The following SPATA19 variants were observed in gnomAD, a reference collection of about 807,000 sequenced individuals.
SPATA19 encodes the protein spermatogenesis associated 19, also known as spermatogenesis-associated protein 19, mitochondrial.
In SPATA19, 19 loss-of-function variants were observed where a neutral mutation model predicts 25.0. The observed-to-expected ratio is 0.76, with a 90% CI of 0.53 to 1.11. The LOEUF is 1.11. Ranked by LOEUF, SPATA19 falls within the 50% of genes most tolerant of loss-of-function variation. SPATA19 has a pLI of 0.00. For synonymous variants in SPATA19, 64 were observed against 69.3 expected (o/e 0.92, Z 0.38); for missense variants, 222 against 211.4 (o/e 1.05, Z -0.31).
rs113588240 is a variant in SPATA19, at chr11:133,842,663, G to C, written c.360-101C>G. On this transcript the variant is annotated intron_variant, in intron 4 of 6. Coordinates refer to ENST00000299140, the MANE Select transcript of SPATA19 (RefSeq NM_174927.3). ...TGGGATCCTGCAAACAATGACTCTT[G>C]CCCTGACACCATGAACTTTTGAGCT... 1,730 of 927,030 alleles carry C rather than the reference G, an allele frequency of 1.9e-3. 19 individuals are homozygous for C. In the African/African-American group the frequency reaches 0.025, roughly 13 times the overall value. 57.4% of individuals were successfully genotyped at this position (927,030 alleles called of 1,614,324 possible). A position where few individuals can be genotyped will look rare whatever the true frequency, so the allele number is the denominator to read the frequency against.
At chr11:133,838,944 T>C (rs1230826656), downstream of SPATA19, among the ~76,000 whole-genome samples, 1 of 152,216 alleles carries the variant, frequency 6.6e-6, no homozygotes, top group African/African-American at 2.4e-5. Context: ...TCATCACCAC[T>C]GGCCATCGGA....
chr11:133,841,576 G>A (rs1938311050), intron 6 of SPATA19, among the ~76,000 whole-genome samples: 1 of 152,128 alleles, frequency 6.6e-6, no homozygotes, highest in South Asian at 2.1e-4. Context: ...CAAGGCAAGT[G>A]GCCATGGGAC....
downstream of SPATA19, among the ~76,000 whole-genome samples, chr11:133,837,238 C>T (rs1172537137): frequency 6.6e-6 from 1 of 152,184 alleles, no homozygotes; most frequent in Non-Finnish European, 1.5e-5. Flanking sequence ...GAAGGCAAAC[C>T]ACTGACCTGA....
At chr11:133,844,765 ACTC>A in intron 2 of SPATA19, 125 bp from the exon 3 acceptor site, 1 of 1,135,952 alleles carries the variant, frequency 8.8e-7, no homozygotes, top group Non-Finnish European at 1.2e-6. Flanking sequence ...ACACACATAC[ACTC>A]CTTACCTCAC....
chr11:133,841,061 T>C (rs1253748332), intron 6 of SPATA19, 138 bp from the exon 7 acceptor site: 3 of 152,144 alleles, frequency 2.0e-5, no homozygotes, highest in Non-Finnish European at 4.4e-5. Flanking sequence ...TCTCTAGTAA[T>C]ATGAGCAAAC....
At chr11:133,843,187 G>C (rs5019134) in intron 4 of SPATA19, among the ~76,000 whole-genome samples, 50,685 of 152,022 alleles carry the variant, frequency 0.33, 9,442 homozygotes, top group East Asian at 0.6. Context: ...TAGCCTGTCT[G>C]AAAAGCTTAA....
downstream of SPATA19, among the ~76,000 whole-genome samples, chr11:133,836,462 G>A (rs911582324): frequency 3.3e-5 from 5 of 152,174 alleles, no homozygotes; most frequent in Admixed American, 6.5e-5. Context: ...AACAACAACC[G>A]AATTGATCCT....
At chr11:133,845,316 G>A in intron 1 of SPATA19, 53 bp downstream of exon 1, 1 of 1,512,974 alleles carries the variant, frequency 6.6e-7, no homozygotes, top group Non-Finnish European at 9.2e-7. Flanking sequence ...GGTCCCACAG[G>A]GGGAGAAGAT....
downstream of SPATA19, among the ~76,000 whole-genome samples, chr11:133,840,039 C>CA (rs1200153169): frequency 1.3e-5 from 2 of 151,914 alleles, no homozygotes; most frequent in African/African-American, 2.4e-5. Context: ...AAATCAAAGA[C>CA]AAAATTTCTT....
At position 133,845,440 on chromosome 11, in the gene SPATA19, T is replaced by G. The variant is rs1234910857; in HGVS notation, c.7A>C (p.Ile3Leu). The G allele has an allele frequency of 6.2e-7, 1 of 1,614,080 alleles. No individual in the cohort carries two copies. Among genetic ancestry groups the G allele is most frequent in the South Asian group, 1.1e-5 (1 of 91,072 alleles). Residue 3 changes from isoleucine to leucine, a missense_variant, in exon 1 of 7, where the codon ATT becomes CTT. Ile to Leu is a conservative substitution (Grantham distance 5). Coordinates refer to ENST00000299140, the MANE Select transcript of SPATA19 (RefSeq NM_174927.3). The part of the protein sequence containing the change: MI[I>L]TTWIVYILAR... ...AGAATATACACAATCCATGTCGTAA[T>G]TATCATCTTTGAATGTATACCAGGC...
downstream of SPATA19, among the ~76,000 whole-genome samples, chr11:133,838,264 G>A (rs970271016): frequency 6.6e-6 from 1 of 152,152 alleles, no homozygotes; most frequent in African/African-American, 2.4e-5. Flanking sequence ...AATGTAAACA[G>A]AGAGATGGAA....
intron 2 of SPATA19, among the ~76,000 whole-genome samples, 171 bp from the exon 3 acceptor site, chr11:133,844,811 C>T (rs1037572928): frequency 3.3e-5 from 5 of 152,186 alleles, no homozygotes; most frequent in African/African-American, 1.2e-4. Context: ...CCTGTAAAGT[C>T]CTCAGAACTC....
downstream of SPATA19, among the ~76,000 whole-genome samples, chr11:133,840,088 G>A (rs1938275771): frequency 1.3e-5 from 2 of 152,158 alleles, no homozygotes; most frequent in Non-Finnish European, 2.9e-5. Context: ...AACAAGGATA[G>A]AAATTATATC....
chr11:133,842,833 A>G (rs1938338601), intron 4 of SPATA19, among the ~76,000 whole-genome samples: 2 of 152,032 alleles, frequency 1.3e-5, no homozygotes, highest in Admixed American at 6.5e-5. Flanking sequence ...TAAAGGCAGC[A>G]AGCAGTGGTC....
chr11:133,836,195 T>C (rs1307466054), downstream of SPATA19, among the ~76,000 whole-genome samples: 1 of 152,114 alleles, frequency 6.6e-6, no homozygotes, highest in African/African-American at 2.4e-5. Flanking sequence ...GCCAGACTTC[T>C]CTCCCCTCTC....
rs187923013 is a variant in SPATA19 at position 133,844,891 on chromosome 11, C to A, written c.135+243G>T. 3.3e-3 allele frequency among the ~76,000 whole-genome samples: 503 copies of A among 152,250 alleles called. 4 individuals carry two copies. The highest frequency in any genetic ancestry group is 0.011 in the African/African-American group (477 of 41,548). The stretch of plus-strand genomic sequence containing the variant: ...GAGCTGGGAAGGATGCAGCTGAAAC[C>A]CTTAAGCCAGGATGCTTGAGAAGCA... On this transcript the variant is annotated intron_variant, in intron 2 of 6. Coordinates refer to ENST00000299140, the MANE Select transcript of SPATA19 (RefSeq NM_174927.3).
intron 5 of SPATA19, 28 bp from the exon 6 acceptor site, chr11:133,842,133 G>A (rs1028244841): frequency 6.2e-7 from 1 of 1,609,878 alleles, no homozygotes; most frequent in South Asian, 1.1e-5. Context: ...GAAGGGCCAG[G>A]TGGAGGGAGG....
downstream of SPATA19, among the ~76,000 whole-genome samples, chr11:133,836,025 C>T (rs1938206307): frequency 2.6e-5 from 4 of 152,236 alleles, no homozygotes; most frequent in South Asian, 8.3e-4. Flanking sequence ...TTTAACATTC[C>T]TGCACATCCT....
chr11:133,841,262 A>G (rs1938301724), intron 6 of SPATA19, among the ~76,000 whole-genome samples: 3 of 152,182 alleles, frequency 2.0e-5, no homozygotes, highest in Admixed American at 2.0e-4. Flanking sequence ...AATGGGCACA[A>G]CAACGCCCTC....
Sources: gnomAD v4.1 joint callset for allele counts (sites outside exome capture counted in the v4.1 genomes callset) on GRCh38, gnomAD v4.1.1 for gene constraint, MANE v1.5 for transcripts, NCBI Gene and HGNC (gene_info 2026-07-23, HGNC 2026-07-21) for gene names.